Variants in NRXN3 observed in about 807,000 individuals in gnomAD.
The protein encoded by NRXN3 is neurexin 3.
Under a neutral mutation model 137.6 loss-of-function variants are expected in NRXN3, and 32 were observed. The ratio of observed to expected loss-of-function variants is 0.23; its 90% CI spans 0.18 to 0.31. The LOEUF is 0.31. Ranked by LOEUF, NRXN3 falls within the 10% of genes least tolerant of loss-of-function variation. The pLI is 1.00. For missense variants in NRXN3, 1,574 were observed against 2,062.5 expected (o/e 0.76, Z 4.59); for synonymous variants, 798 against 784.5 (o/e 1.02, Z -0.29).
At chr14:79,745,582 C>CT (rs1358137859) in intron 19 of NRXN3, among the ~76,000 whole-genome samples, 1 of 152,134 alleles carries the variant, frequency 6.6e-6, no homozygotes, top group African/African-American at 2.4e-5. Context: ...CATGATGGGT[C>CT]TGCTGCAGTG....
chr14:79,531,504 G>A (rs143247002), intron 16 of NRXN3, among the ~76,000 whole-genome samples: 9 of 152,166 alleles, frequency 5.9e-5, no homozygotes, highest in African/African-American at 1.7e-4. Context: ...TTTAGAGTAC[G>A]TTAATTTTAT....
At chr14:79,378,398 T>C (rs2094367851) in intron 15 of NRXN3, among the ~76,000 whole-genome samples, 1 of 152,164 alleles carries the variant, frequency 6.6e-6, no homozygotes, top group South Asian at 2.1e-4. Context: ...TCCCTCCTAC[T>C]GGGTGCCTGG....
At chr14:79,784,177 A>C (rs2099122335) in intron 19 of NRXN3, among the ~76,000 whole-genome samples, 1 of 152,218 alleles carries the variant, frequency 6.6e-6, no homozygotes, top group Non-Finnish European at 1.5e-5. Flanking sequence ...AACAAAAAAA[A>C]TGTGAAGCAT....
chr14:79,125,702 T>C (rs2056297141), intron 15 of NRXN3, among the ~76,000 whole-genome samples: 1 of 152,188 alleles, frequency 6.6e-6, no homozygotes, highest in African/African-American at 2.4e-5. Flanking sequence ...CTTAGCCTTC[T>C]CCTGAATTAG....
intron 4 of NRXN3, among the ~76,000 whole-genome samples, chr14:78,572,778 G>C (rs1318117409): frequency 3.9e-5 from 6 of 152,048 alleles, no homozygotes; most frequent in African/African-American, 1.4e-4. Context: ...CTTCTTCTTT[G>C]TTCTTCTCTT....
chr14:78,681,362 C>G (rs1043323719), intron 6 of NRXN3, among the ~76,000 whole-genome samples: 3 of 152,056 alleles, frequency 2.0e-5, no homozygotes, highest in South Asian at 2.1e-4. Context: ...TCTTGAAAAC[C>G]CTTATCCCTA....
intron 4 of NRXN3, among the ~76,000 whole-genome samples, chr14:78,398,214 CAAAAAAA>C (rs55841376): frequency 7.8e-6 from 1 of 128,208 alleles, no homozygotes; most frequent in African/African-American, 2.9e-5. Flanking sequence ...AACTCTGTTT[CAAAAAAA>C]AAAAAAAAAA....
At chr14:78,569,069 A>T (rs1488199881) in intron 4 of NRXN3, among the ~76,000 whole-genome samples, 1 of 136,396 alleles carries the variant, frequency 7.3e-6, no homozygotes, top group African/African-American at 2.8e-5. Context: ...CCAGGTTCAC[A>T]CCATTCTTCT....
intron 15 of NRXN3, among the ~76,000 whole-genome samples, chr14:79,199,341 C>T (rs1442426404): frequency 2.6e-5 from 4 of 151,974 alleles, no homozygotes; most frequent in Non-Finnish European, 4.4e-5. Flanking sequence ...TAGAGTGAAA[C>T]GATGAATAAA....
intron 8 of NRXN3, among the ~76,000 whole-genome samples, chr14:78,784,584 G>A (rs765066269): frequency 3.0e-4 from 45 of 152,210 alleles, no homozygotes; most frequent in Non-Finnish European, 5.6e-4. Context: ...AGCCAGCCAA[G>A]GAGTATGAAG....
chr14:78,932,057 T>C (rs529438480), intron 10 of NRXN3, among the ~76,000 whole-genome samples: 10 of 152,176 alleles, frequency 6.6e-5, no homozygotes, highest in African/African-American at 1.9e-4. Context: ...GGAGAATCTC[T>C]TGAACCCGGG....
chr14:79,772,784 A>C (rs1285685984), intron 19 of NRXN3, among the ~76,000 whole-genome samples: 1 of 152,152 alleles, frequency 6.6e-6, no homozygotes, highest in Non-Finnish European at 1.5e-5. Context: ...AATGGGATCT[A>C]ATTAAACTAA....
intron 15 of NRXN3, among the ~76,000 whole-genome samples, chr14:79,437,157 T>C (rs542277574): frequency 6.6e-6 from 1 of 152,274 alleles, no homozygotes; most frequent in African/African-American, 2.4e-5. Flanking sequence ...TACCCCTTGC[T>C]TTTTGCTTTT....
At chr14:78,452,944 A>G (rs925776738) in intron 4 of NRXN3, among the ~76,000 whole-genome samples, 1 of 152,256 alleles carries the variant, frequency 6.6e-6, no homozygotes, top group East Asian at 1.9e-4. Flanking sequence ...TTAATTAACC[A>G]TTGATGGAGT....
chr14:79,372,741 T>A (rs1273234360), intron 15 of NRXN3, among the ~76,000 whole-genome samples: 1 of 152,114 alleles, frequency 6.6e-6, no homozygotes, highest in Non-Finnish European at 1.5e-5. Context: ...AATAAAACAT[T>A]ACTGGGAAGA....
At chr14:78,571,782 T>G (rs551210170) in intron 4 of NRXN3, among the ~76,000 whole-genome samples, 2 of 152,320 alleles carry the variant, frequency 1.3e-5, no homozygotes, top group African/African-American at 4.8e-5. Flanking sequence ...ATGTGATGAG[T>G]CTGTGTTATA....
At chr14:78,626,168 G>T (rs1350578317) in intron 4 of NRXN3, among the ~76,000 whole-genome samples, 2 of 152,190 alleles carry the variant, frequency 1.3e-5, no homozygotes, top group Non-Finnish European at 2.9e-5. Flanking sequence ...CCCCGGAAAG[G>T]TACTCCAGCA....
intron 4 of NRXN3, among the ~76,000 whole-genome samples, chr14:78,424,756 C>T (rs2093594535): frequency 6.6e-6 from 1 of 152,136 alleles, no homozygotes; most frequent in Admixed American, 6.5e-5. Context: ...AGGTACAATG[C>T]CTGTGCACGG....
intron 2 of NRXN3, among the ~76,000 whole-genome samples, chr14:78,269,911 A>G (rs1217275765): frequency 6.6e-6 from 1 of 152,216 alleles, no homozygotes; most frequent in Non-Finnish European, 1.5e-5. Context: ...CTCTGTCTCA[A>G]GGAAATCACT....
Sources: allele counts gnomAD v4.1 joint callset (sites outside exome capture counted in the v4.1 genomes callset), GRCh38; gene constraint gnomAD v4.1.1; transcripts MANE v1.5; gene names NCBI Gene and HGNC (gene_info 2026-07-23, HGNC 2026-07-21).